The following CHCHD4 variants were observed in gnomAD, a reference collection of about 807,000 sequenced individuals.
The protein encoded by CHCHD4 is coiled-coil-helix-coiled-coil-helix domain containing 4.
CHCHD4 carries 7 observed loss-of-function variants against 12.4 expected under a neutral mutation model. That is an observed-to-expected ratio of 0.57 (90% CI 0.32 to 1.06). The LOEUF (loss-of-function observed/expected upper bound fraction) is 1.06, where lower values mean the gene tolerates loss of function less well. Among genes scored for constraint, CHCHD4 ranks in the 50% least tolerant of loss-of-function variants. CHCHD4 has a pLI of 0.04. For missense variants in CHCHD4, 143 were observed against 175.1 expected (o/e 0.82, Z 1.03); for synonymous variants, 56 against 58.0 (o/e 0.97, Z 0.16).
chr3:14,121,399 C>A (rs1406951037), intron 1 of CHCHD4, among the ~76,000 whole-genome samples: 2 of 152,156 alleles, frequency 1.3e-5, no homozygotes, highest in African/African-American at 4.8e-5. Flanking sequence ...TGGTTATCAC[C>A]ATTAAGTGAG....
intron 1 of CHCHD4, among the ~76,000 whole-genome samples, chr3:14,120,355 C>A (rs1221652025): frequency 6.6e-6 from 1 of 152,164 alleles, no homozygotes; most frequent in Non-Finnish European, 1.5e-5. Flanking sequence ...CTCTTCGACC[C>A]CATCTCCCAC....
chr3:14,122,103 G>A (rs1321208708), intron 1 of CHCHD4: 5 of 1,567,542 alleles, frequency 3.2e-6, no homozygotes, highest in Non-Finnish European at 3.4e-6. Flanking sequence ...GGCAAAAGGA[G>A]GGTTTTAAGT....
chr3:14,114,026 A>G (rs572664619), intron 2 of CHCHD4, among the ~76,000 whole-genome samples: 36 of 152,340 alleles, frequency 2.4e-4, no homozygotes, highest in Non-Finnish European at 4.6e-4. Context: ...GAAGTTTCTT[A>G]CATGATTCTT....
At chr3:14,121,777 G>A in intron 1 of CHCHD4, 1 of 1,455,388 alleles carries the variant, frequency 6.9e-7, no homozygotes, top group African/African-American at 1.4e-5. Flanking sequence ...TGACTGCTAA[G>A]GACTTTCATG....
intron 2 of CHCHD4, among the ~76,000 whole-genome samples, chr3:14,113,747 C>T (rs1290846787): frequency 2.6e-5 from 4 of 152,164 alleles, no homozygotes; most frequent in Non-Finnish European, 5.9e-5. Context: ...AGACATGCTG[C>T]ACAATGAGAA....
At chr3:14,124,346 A>T (rs1694976667) in intron 1 of CHCHD4, among the ~76,000 whole-genome samples, 1 of 152,146 alleles carries the variant, frequency 6.6e-6, no homozygotes, top group African/African-American at 2.4e-5. Flanking sequence ...AGCCACACGC[A>T]ACGTGCTCGG....
chr3:14,121,841 CT>C, intron 1 of CHCHD4: 2 of 1,611,002 alleles, frequency 1.2e-6, no homozygotes, highest in Admixed American at 3.3e-5. Flanking sequence ...AATCAAGTGT[CT>C]GTGAAGAATA....
intron 2 of CHCHD4, among the ~76,000 whole-genome samples, chr3:14,115,535 G>A (rs1229109919): frequency 1.3e-5 from 2 of 152,146 alleles, no homozygotes; most frequent in African/African-American, 2.4e-5. Context: ...TTTGTATAAC[G>A]TCTGCATTTC....
intron 1 of CHCHD4, among the ~76,000 whole-genome samples, chr3:14,118,303 G>A (rs1280037127): frequency 2.0e-5 from 3 of 152,214 alleles, no homozygotes; most frequent in Admixed American, 1.3e-4. Flanking sequence ...TGAAAGCTGC[G>A]GGCATCTCTG....
At chr3:14,122,044 G>T (rs560720100) in intron 1 of CHCHD4, 12 of 1,610,604 alleles carry the variant, frequency 7.5e-6, no homozygotes, top group Non-Finnish European at 1.0e-5. Flanking sequence ...AGGGAGGGAA[G>T]GAGGGGAATA....
chr3:14,124,130 G>C (rs569918467), intron 1 of CHCHD4, among the ~76,000 whole-genome samples: 1 of 152,324 alleles, frequency 6.6e-6, no homozygotes, highest in African/African-American at 2.4e-5. Context: ...GACAAGCCAG[G>C]CAAGTTTCCT....
chr3:14,116,148 C>T (rs888492525), intron 2 of CHCHD4, among the ~76,000 whole-genome samples: 2 of 152,286 alleles, frequency 1.3e-5, no homozygotes. Flanking sequence ...TGAGCAAAAG[C>T]CCTGTCACCT....
At chr3:14,123,691 A>T (rs1440220355) in intron 1 of CHCHD4, among the ~76,000 whole-genome samples, 1 of 152,200 alleles carries the variant, frequency 6.6e-6, no homozygotes, top group African/African-American at 2.4e-5. Flanking sequence ...TCTGGCGCAG[A>T]GAAGGTGCTT....
At chr3:14,121,939 G>A (rs1489078253) in intron 1 of CHCHD4, 10 of 1,613,886 alleles carry the variant, frequency 6.2e-6, no homozygotes, top group Non-Finnish European at 8.5e-6. Flanking sequence ...CAGCTCTGTG[G>A]TAGTACCTGG....
rs1574934495 is a variant in CHCHD4 at position 14,124,858 on chromosome 3, T to G, written c.-182A>C. 1.0e-5 allele frequency: 7 copies of G among 698,294 alleles called. No individual in the cohort carries two copies. The highest frequency in any genetic ancestry group is 2.7e-4 in the Middle Eastern group (1 of 3,646). The allele number at this position is 698,294 out of a possible 1,614,324, so 43.3% of individuals were successfully genotyped here. On this transcript the variant is annotated 5_prime_UTR_variant, in exon 1 of 3. Transcript: ENST00000396914. ...CCTCGCAACCGCGGCCAGGCCAACC[T>G]CAGCCGGAAACTACATTTCCCAGCA...
intron 1 of CHCHD4, among the ~76,000 whole-genome samples, chr3:14,124,266 G>A (rs1220313391): frequency 2.0e-5 from 3 of 152,192 alleles, no homozygotes; most frequent in Non-Finnish European, 2.9e-5. Flanking sequence ...AAAGGCGCGT[G>A]CAAAATGTAA....
chr3:14,120,537 C>A (rs902279477), intron 1 of CHCHD4, among the ~76,000 whole-genome samples: 1 of 152,230 alleles, frequency 6.6e-6, no homozygotes, highest in African/African-American at 2.4e-5. Context: ...TCAGATGCCA[C>A]CGTCCCTGAC....
rs1169119961 is a variant in CHCHD4 at position 14,124,595 on chromosome 3, GC to G, written c.22+59del. 25 of 1,433,080 alleles carry G rather than the reference GC, an allele frequency of 1.7e-5. No individual in the cohort carries two copies. The East Asian group carries it at 3.3e-4, about 19-fold the overall frequency. The allele number at this position is 1,433,080 out of a possible 1,614,324, so 88.8% of individuals were successfully genotyped here. On this transcript the variant is annotated intron_variant, in intron 1 of 2. Coordinates refer to ENST00000396914, the MANE Select transcript of CHCHD4 (RefSeq NM_001098502.2). ...CCCGGCGTGGTCGCGGGGCGCCGGG[GC>G]CCGCGTGTCTCCCGCAGGCCCTCGT...
At chr3:14,113,916 C>G (rs944814568) in intron 2 of CHCHD4, among the ~76,000 whole-genome samples, 4 of 152,196 alleles carry the variant, frequency 2.6e-5, no homozygotes, top group Non-Finnish European at 4.4e-5. Context: ...CTTTTCTTAT[C>G]ATTGAACTTT....
Sources: allele counts gnomAD v4.1 joint callset (sites outside exome capture counted in the v4.1 genomes callset), GRCh38; gene constraint gnomAD v4.1.1; transcripts MANE v1.5; gene names NCBI Gene and HGNC (gene_info 2026-07-23, HGNC 2026-07-21).